CADM1: variants seen among roughly 807,000 people sequenced by gnomAD.
The protein encoded by CADM1 is cell adhesion molecule 1, also known as TSLC-1.
Under a neutral mutation model 53.1 loss-of-function variants are expected in CADM1, and 15 were observed. The observed-to-expected ratio is 0.28, with a 90% CI of 0.19 to 0.44. The LOEUF is 0.44. CADM1 is among the 20% of genes least tolerant of loss of function. CADM1 has a pLI of 1.00. For missense variants in CADM1, 434 were observed against 611.3 expected, an observed-to-expected ratio of 0.71 and a Z score of 3.06; for synonymous variants, 281 against 243.0, an observed-to-expected ratio of 1.16 and a Z score of -1.45.
chr11:115,443,615 A>G (rs1948378287), intron 1 of CADM1, among the ~76,000 whole-genome samples: 1 of 152,248 alleles, frequency 6.6e-6, no homozygotes, highest in African/African-American at 2.4e-5. Context: ...TAGTGTTCTC[A>G]GAAGAGACTA....
intron 1 of CADM1, among the ~76,000 whole-genome samples, chr11:115,499,266 T>C (rs2135443249): frequency 6.6e-6 from 1 of 152,222 alleles, no homozygotes; most frequent in Middle Eastern, 3.4e-3. Flanking sequence ...AAAAGACAAA[T>C]AAAAAACTGT....
chr11:115,384,650 G>C (rs1946656126), intron 1 of CADM1, among the ~76,000 whole-genome samples: 2 of 152,182 alleles, frequency 1.3e-5, no homozygotes, highest in South Asian at 4.1e-4. Context: ...CCTGGATTGT[G>C]TATTGGACAA....
chr11:115,379,945 C>G (rs1946532355), intron 1 of CADM1, among the ~76,000 whole-genome samples: 1 of 152,122 alleles, frequency 6.6e-6, no homozygotes, highest in South Asian at 2.1e-4. Context: ...CCTCCCCCTA[C>G]AGTATAGACT....
At chr11:115,183,319 G>C (rs1451123954) in intron 10 of CADM1, among the ~76,000 whole-genome samples, 1 of 152,218 alleles carries the variant, frequency 6.6e-6, no homozygotes, top group African/African-American at 2.4e-5. Context: ...AAGAGATCCT[G>C]GTTTCTATGG....
chr11:115,209,342 G>T (rs1196077641), intron 8 of CADM1, among the ~76,000 whole-genome samples: 2 of 152,138 alleles, frequency 1.3e-5, no homozygotes, highest in East Asian at 1.9e-4. Context: ...GCTTAAAAAA[G>T]AATTCTTTTA....
In CADM1 at chr11:115,169,774, T is replaced by TTAGC. The variant is rs781616957; in HGVS notation, c.*6696_*6699dup. 5 of 328,570 alleles carry TTAGC rather than the reference T, an allele frequency of 1.5e-5. No homozygotes were observed. Among genetic ancestry groups the TTAGC allele is most frequent in the Non-Finnish European group, 3.1e-5 (5 of 163,644 alleles). 20.4% of individuals were successfully genotyped at this position (328,570 alleles called of 1,614,324 possible). A position where few individuals can be genotyped will look rare whatever the true frequency, so the allele number is the denominator to read the frequency against. ...TGTCTGGGCAAACAGCTTTTGTGGA[T>TTAGC]TAGCTAGACTTGCACTTGCCAGCAT... is the stretch of plus-strand genomic sequence containing the variant. On this transcript the variant is annotated 3_prime_UTR_variant, in exon 12 of 12. Transcript: ENST00000331581.
intron 1 of CADM1, among the ~76,000 whole-genome samples, chr11:115,468,952 C>G (rs1426174164): frequency 1.3e-5 from 2 of 152,130 alleles, no homozygotes; most frequent in Non-Finnish European, 2.9e-5. Flanking sequence ...CTTTATAAAA[C>G]CATCAGATGT....
intron 1 of CADM1, among the ~76,000 whole-genome samples, chr11:115,403,058 C>T (rs1326064157): frequency 6.6e-6 from 1 of 152,198 alleles, no homozygotes; most frequent in Non-Finnish European, 1.5e-5. Context: ...TGTGGAGAAA[C>T]GTGGCAGACA....
chr11:115,411,376 C>A (rs530772999), intron 1 of CADM1, among the ~76,000 whole-genome samples: 2 of 152,276 alleles, frequency 1.3e-5, no homozygotes, highest in South Asian at 4.1e-4. Flanking sequence ...CTACACACAT[C>A]AAATCAGATT....
At chr11:115,347,592 T>C (rs986202997) in intron 1 of CADM1, among the ~76,000 whole-genome samples, 1 of 152,198 alleles carries the variant, frequency 6.6e-6, no homozygotes, top group African/African-American at 2.4e-5. Flanking sequence ...CTTTTTGACA[T>C]GCAAGAAGAT....
Position 115,169,299 on chromosome 11 carries a change from C to T in CADM1, c.*7175G>A, listed in dbSNP as rs953013792. ...AATTGGTGATCTTGGCTGGGGCTAA[C>T]GTGACTCAAGGCCCTTCTCGATGCA... On this transcript the variant is annotated 3_prime_UTR_variant, in exon 12 of 12. Coordinates refer to ENST00000331581, the MANE Select transcript of CADM1 (RefSeq NM_001301043.2). The T allele has an allele frequency of 2.1e-4, 36 of 172,314 alleles. No homozygotes were observed. Among genetic ancestry groups the T allele is most frequent in the African/African-American group, 8.9e-4 (34 of 38,106 alleles). The allele number at this position is 172,314 out of a possible 1,614,324, so 10.7% of individuals were successfully genotyped here.
intron 1 of CADM1, among the ~76,000 whole-genome samples, chr11:115,477,747 G>A (rs140621951): frequency 6.6e-6 from 1 of 152,274 alleles, no homozygotes; most frequent in East Asian, 1.9e-4. Flanking sequence ...AAACAAACTG[G>A]CTGCACTGGA....
chr11:115,255,910 C>A (rs559127546), intron 1 of CADM1, among the ~76,000 whole-genome samples: 36 of 152,234 alleles, frequency 2.4e-4, no homozygotes, highest in African/African-American at 7.7e-4. Context: ...TGACTGTAAC[C>A]AATGCAAATA....
chr11:115,257,504 G>GAATGC (rs1448237321), intron 1 of CADM1, among the ~76,000 whole-genome samples: 1 of 152,178 alleles, frequency 6.6e-6, no homozygotes, highest in Admixed American at 6.5e-5. Flanking sequence ...TTAACCTTTA[G>GAATGC]AATGCTGGTA....
chr11:115,404,418 C>G (rs1284443170), intron 1 of CADM1, among the ~76,000 whole-genome samples: 1 of 113,718 alleles, frequency 8.8e-6, no homozygotes, highest in Non-Finnish European at 1.7e-5. Context: ...CACAAAAATT[C>G]CAGATAGGTT....
intron 1 of CADM1, among the ~76,000 whole-genome samples, chr11:115,437,742 C>A (rs551960992): frequency 2.6e-5 from 4 of 152,144 alleles, no homozygotes; most frequent in Non-Finnish European, 5.9e-5. Flanking sequence ...TGCTTTTCTT[C>A]GTGACCATTT....
At chr11:115,263,289 G>A (rs73574162) in intron 1 of CADM1, among the ~76,000 whole-genome samples, 1,817 of 152,322 alleles carry the variant, frequency 0.012, 43 homozygotes, top group African/African-American at 0.04. Context: ...CTCACAATGA[G>A]GGGAATTTAT....
chr11:115,493,911 C>A (rs1335350792), intron 1 of CADM1, among the ~76,000 whole-genome samples: 1 of 152,074 alleles, frequency 6.6e-6, no homozygotes, highest in Non-Finnish European at 1.5e-5. Flanking sequence ...AGACTAGAGA[C>A]CATATCCAAT....
intron 1 of CADM1, among the ~76,000 whole-genome samples, chr11:115,503,584 G>C (rs1949781845): frequency 1.3e-5 from 2 of 152,176 alleles, no homozygotes; most frequent in African/African-American, 2.4e-5. Context: ...GGCCGGGCCG[G>C]GGAACTTTCC....
Sources: gnomAD v4.1 joint callset for allele counts (sites outside exome capture counted in the v4.1 genomes callset) on GRCh38, gnomAD v4.1.1 for gene constraint, MANE v1.5 for transcripts, NCBI Gene and HGNC (gene_info 2026-07-23, HGNC 2026-07-21) for gene names.